Variants in QTMAN observed in about 807,000 individuals in gnomAD.
QTMAN encodes queuosine-tRNA mannosyltransferase.
the QTMAN span, among the ~76,000 whole-genome samples, chr2:144,226,214 G>A: frequency 6.6e-6 from 1 of 152,106 alleles, no homozygotes; most frequent in Admixed American, 6.5e-5. Context: ...GAAATACAGA[G>A]GAATGGAGAA....
chr2:144,133,128 TA>T, the QTMAN span, among the ~76,000 whole-genome samples: 5 of 44,892 alleles, frequency 1.1e-4, no homozygotes, highest in South Asian at 6.0e-4. Flanking sequence ...TATATATATA[TA>T]TATATATATA....
chr2:144,268,955 A>C, the QTMAN span, among the ~76,000 whole-genome samples: 4 of 151,642 alleles, frequency 2.6e-5, no homozygotes, highest in Admixed American at 1.3e-4. Flanking sequence ...ATGCCCACCT[A>C]ATTTTTGTAT....
At chr2:144,313,097 G>A in the QTMAN span, among the ~76,000 whole-genome samples, 3 of 152,108 alleles carry the variant, frequency 2.0e-5, no homozygotes, top group Non-Finnish European at 4.4e-5. Flanking sequence ...TTACACTTCT[G>A]GCAGACAAAT....
chr2:144,218,805 G>A, the QTMAN span, among the ~76,000 whole-genome samples: 1 of 149,782 alleles, frequency 6.7e-6, no homozygotes, highest in Admixed American at 6.7e-5. Context: ...TGAAATAAAT[G>A]TCACTGAGTA....
the QTMAN span, among the ~76,000 whole-genome samples, chr2:144,131,383 C>T: frequency 2.6e-5 from 4 of 151,862 alleles, no homozygotes. Context: ...TATTTGTGTG[C>T]TTCCTCCTTT....
At chr2:143,995,532 T>C in the QTMAN span, among the ~76,000 whole-genome samples, 1 of 152,146 alleles carries the variant, frequency 6.6e-6, no homozygotes, top group South Asian at 2.1e-4. Flanking sequence ...TGTAATGTAG[T>C]TAACATTATT....
At chr2:144,283,614 A>C in the QTMAN span, among the ~76,000 whole-genome samples, 1 of 152,210 alleles carries the variant, frequency 6.6e-6, no homozygotes, top group Non-Finnish European at 1.5e-5. Context: ...TGAAATTAAA[A>C]TTTTGCCAGT....
the QTMAN span, among the ~76,000 whole-genome samples, chr2:144,066,174 T>A: frequency 1.3e-5 from 2 of 152,292 alleles, no homozygotes; most frequent in Non-Finnish European, 2.9e-5. Flanking sequence ...TTTCTTTTTT[T>A]ATTATAAGCA....
the QTMAN span, among the ~76,000 whole-genome samples, chr2:144,222,390 G>A: frequency 2.0e-5 from 3 of 151,714 alleles, no homozygotes; most frequent in African/African-American, 7.3e-5. Flanking sequence ...CAAGTAAAAT[G>A]CCAAAATGTT....
the QTMAN span, among the ~76,000 whole-genome samples, chr2:144,092,122 T>G: frequency 6.6e-6 from 1 of 152,088 alleles, no homozygotes; most frequent in Non-Finnish European, 1.5e-5. Context: ...TTATCTTGTC[T>G]GTGGTGATGG....
chr2:144,102,854 A>T, the QTMAN span, among the ~76,000 whole-genome samples: 1 of 152,162 alleles, frequency 6.6e-6, no homozygotes, highest in Admixed American at 6.5e-5. Context: ...AATTTACCCG[A>T]AATACAAATA....
chr2:144,027,814 G>C, the QTMAN span, among the ~76,000 whole-genome samples: 1 of 152,174 alleles, frequency 6.6e-6, no homozygotes, highest in African/African-American at 2.4e-5. Context: ...GATTAAGATA[G>C]GGCTTTAAAG....
the QTMAN span, among the ~76,000 whole-genome samples, chr2:144,283,922 T>G: frequency 6.6e-6 from 1 of 152,036 alleles, no homozygotes; most frequent in Non-Finnish European, 1.5e-5. Context: ...TACTGGGTGA[T>G]GAAATTTCTC....
chr2:144,086,461 A>G, the QTMAN span, among the ~76,000 whole-genome samples: 783 of 152,236 alleles, frequency 5.1e-3, 9 homozygotes, highest in African/African-American at 0.018. Context: ...TATGTATGCT[A>G]CTTCATTCAA....
At chr2:144,097,779 A>T in the QTMAN span, among the ~76,000 whole-genome samples, 1 of 152,140 alleles carries the variant, frequency 6.6e-6, no homozygotes, top group Non-Finnish European at 1.5e-5. Flanking sequence ...AAACCACTTT[A>T]TGCTTGCTCC....
the QTMAN span, among the ~76,000 whole-genome samples, chr2:144,190,671 G>A: frequency 5.3e-5 from 8 of 152,198 alleles, no homozygotes; most frequent in African/African-American, 9.6e-5. Flanking sequence ...CGGTAAAATC[G>A]ATATCATTTC....
At chr2:144,133,949 T>C in the QTMAN span, among the ~76,000 whole-genome samples, 1 of 152,118 alleles carries the variant, frequency 6.6e-6, no homozygotes, top group African/African-American at 2.4e-5. Flanking sequence ...GCAAAGGCAG[T>C]AGTTTTACTA....
the QTMAN span, among the ~76,000 whole-genome samples, chr2:143,999,835 T>C: frequency 6.6e-6 from 1 of 152,098 alleles, no homozygotes; most frequent in African/African-American, 2.4e-5. Context: ...AAACAAATCA[T>C]GCTTAGTGAA....
the QTMAN span, among the ~76,000 whole-genome samples, chr2:144,297,841 A>C: frequency 3.2e-4 from 49 of 151,368 alleles, no homozygotes; most frequent in South Asian, 1.3e-3. Context: ...CGGCCTCCCA[A>C]AGTGCTGGGA....
Sources: allele counts gnomAD v4.1 joint callset (sites outside exome capture counted in the v4.1 genomes callset), GRCh38; gene constraint gnomAD v4.1.1; transcripts MANE v1.5; gene names NCBI Gene and HGNC (gene_info 2026-07-23, HGNC 2026-07-21).